AKAP9: variants seen among roughly 807,000 people sequenced by gnomAD.
The protein encoded by AKAP9 is A-kinase anchoring protein 9, also known as A-kinase anchor protein 9.
AKAP9 carries 311 observed loss-of-function variants against 488.5 expected under a neutral mutation model. The observed-to-expected ratio is 0.64, with a 90% CI of 0.58 to 0.70. The LOEUF is 0.70. Among genes scored for constraint, AKAP9 ranks in the 30% least tolerant of loss-of-function variants. AKAP9 has a pLI of 0.00. For missense variants in AKAP9, 4,215 were observed against 4,374.5 expected, an observed-to-expected ratio of 0.96 and a Z score of 1.03; for synonymous variants, 1,462 against 1,483.5, an observed-to-expected ratio of 0.99 and a Z score of 0.33.
Position 91,941,032 on chromosome 7 carries a change from T to C in AKAP9, c.-68T>C. 6.6e-7 allele frequency: 1 copy of C among 1,511,882 alleles called. No individual in the cohort carries two copies. The highest frequency in any genetic ancestry group is 9.2e-7 in the Non-Finnish European group (1 of 1,086,924). The allele number at this position is 1,511,882 out of a possible 1,614,324, so 93.7% of individuals were successfully genotyped here. ...GCTTGCCGTCCCACCTCCGTCCAAA[T>C]CGACCTTTCCTTTCTATCCCCAACC... On this transcript the variant is annotated 5_prime_UTR_variant, in exon 1 of 50. Transcript: ENST00000356239.
In AKAP9 at chr7:92,066,502, G is replaced by A. The variant is rs1810787293; in HGVS notation, c.6286G>A (p.Val2096Ile). Residue 2096 changes from valine (V) to isoleucine (I), a missense_variant, in exon 26 of 50, where the codon GTT (valine) becomes ATT (isoleucine). Physicochemically the swap from Val to Ile is conservative, Grantham distance 29. Coordinates refer to ENST00000356239, the MANE Select transcript of AKAP9 (RefSeq NM_005751.5). ...EIQKLEQQLK[V>I]VPRFQPISEH... The stretch of plus-strand genomic sequence containing the variant: ...ACAGAAACTAGAACAGCAACTTAAG[G>A]TTGTTCCTCGATTCCAGCCTATCAG... The A allele has an allele frequency of 6.2e-7, 1 of 1,613,412 alleles. No individual in the cohort carries two copies. The highest frequency in any genetic ancestry group is 8.5e-7 in the Non-Finnish European group (1 of 1,179,678).
intron 22 of AKAP9, among the ~76,000 whole-genome samples, chr7:92,060,619 CTG>C (rs1487257416): frequency 2.0e-5 from 3 of 152,050 alleles, no homozygotes; most frequent in Admixed American, 6.6e-5. Context: ...TTTAAGGAAT[CTG>C]TGTTTATGGT....
chr7:92,041,835 TTCCTG>T, intron 18 of AKAP9: 1 of 463,556 alleles, frequency 2.2e-6, no homozygotes, highest in Non-Finnish European at 3.8e-6. Context: ...ACTGCACAAA[TTCCTG>T]AATATATAGA....
chr7:92,102,952 C>A, intron 46 of AKAP9, 126 bp downstream of exon 46: 2 of 867,112 alleles, frequency 2.3e-6, no homozygotes, highest in Non-Finnish European at 3.6e-6. Flanking sequence ...TGTGCCATCA[C>A]TGAAGCATGT....
At chr7:92,064,125 C>G (rs1349059582) in intron 24 of AKAP9, among the ~76,000 whole-genome samples, 1 of 152,124 alleles carries the variant, frequency 6.6e-6, no homozygotes, top group Non-Finnish European at 1.5e-5. Context: ...GTATTAAACT[C>G]TTTCAATCTA....
At position 92,040,812 on chromosome 7, in the gene AKAP9, G is replaced by A; in HGVS notation, c.4831G>A (p.Ala1611Thr). ...ACAGGCAACGGAATTGTTAAGGCAAGCACATATGCGGCAAATGGAGAGACA... is the reference window on the plus strand; with the variant it reads ...ACAGGCAACGGAATTGTTAAGGCAAACACATATGCGGCAAATGGAGAGACA... ...HQQATELLRQAHMRQMERQRE... is the reference protein window; with the variant it reads ...HQQATELLRQTHMRQMERQRE... The change falls in exon 18 of 50, where the codon GCA becomes ACA. Residue 1611 changes from alanine to threonine, a missense_variant. Transcript: ENST00000356239. 1 of 1,614,018 alleles carries A rather than the reference G, an allele frequency of 6.2e-7. No homozygotes were observed. Among genetic ancestry groups the A allele is most frequent in the Non-Finnish European group, 8.5e-7 (1 of 1,180,012 alleles).
chr7:92,042,922 A>G (rs2130786029), intron 20 of AKAP9, 151 bp downstream of exon 20: 1 of 542,796 alleles, frequency 1.8e-6, no homozygotes, highest in Non-Finnish European at 3.3e-6. Context: ...ATGTATGTGT[A>G]GTATGTAAAG....
At chr7:92,101,806 T>G (rs1030972982) in intron 45 of AKAP9, among the ~76,000 whole-genome samples, 1 of 152,196 alleles carries the variant, frequency 6.6e-6, no homozygotes, top group African/African-American at 2.4e-5. Context: ...AGAAAAACTT[T>G]TGGAACATTT....
chr7:91,993,852 G>A (rs902128572), intron 5 of AKAP9, among the ~76,000 whole-genome samples: 1 of 152,186 alleles, frequency 6.6e-6, no homozygotes, highest in Non-Finnish European at 1.5e-5. Flanking sequence ...CAGCAAGTTG[G>A]GCATGGTGGC....
chr7:92,066,604 G>GAT, intron 26 of AKAP9, 58 bp downstream of exon 26: 1 of 1,593,272 alleles, frequency 6.3e-7, no homozygotes. Context: ...TGTAAAATAA[G>GAT]ATGCATATCA....
At chr7:92,021,872 A>C (rs1409312349) in intron 12 of AKAP9, among the ~76,000 whole-genome samples, 1 of 152,228 alleles carries the variant, frequency 6.6e-6, no homozygotes, top group Non-Finnish European at 1.5e-5. Context: ...GTATTAATCA[A>C]GTATTGCTAA....
rs370539725 is a variant in AKAP9 at position 92,108,591 on chromosome 7, C to T, written c.11644C>T (p.Arg3882Trp). 8.7e-6 allele frequency: 14 copies of T among 1,614,052 alleles called. No homozygotes were observed. Among genetic ancestry groups the T allele is most frequent in the South Asian group, 1.1e-5 (1 of 91,082 alleles). Reference sequence around the variant, plus strand: ...CAGAGCCCTAACAGATTATATCACTCGGCTAGAGGCACTGCAAAGACGACT... The same window carrying T: ...CAGAGCCCTAACAGATTATATCACTTGGCTAGAGGCACTGCAAAGACGACT... ...PDRALTDYIT[R>W]LEALQRRLGT... The change falls in exon 49 of 50, where the codon CGG becomes TGG. Residue 3882 changes from arginine (R) to tryptophan (W), a missense_variant. Arg to Trp is a moderately radical substitution (Grantham distance 101, BLOSUM62 -3). This residue lies in a region of AKAP9 where 253 missense variants were observed against 266.8 expected (regional missense o/e 0.95). Coordinates refer to ENST00000356239, the MANE Select transcript of AKAP9 (RefSeq NM_005751.5).
intron 20 of AKAP9, among the ~76,000 whole-genome samples, chr7:92,044,658 A>T (rs545976956): frequency 1.6e-3 from 237 of 152,318 alleles, no homozygotes; most frequent in African/African-American, 5.5e-3. Flanking sequence ...TGGCACTACC[A>T]TACTTTTTAA....
chr7:92,095,833 G>A (rs1041272056), intron 40 of AKAP9, among the ~76,000 whole-genome samples: 3 of 152,172 alleles, frequency 2.0e-5, no homozygotes, highest in Non-Finnish European at 4.4e-5. Flanking sequence ...TCCAGGCAAA[G>A]AGAACTCTCT....
rs754777973 is a variant in AKAP9 at position 92,083,589 on chromosome 7, C to T, written c.8580C>T (p.Ala2860=). 33 of 1,602,832 alleles carry T rather than the reference C, an allele frequency of 2.1e-5. No homozygotes were observed. The South Asian group carries it at 3.3e-4, about 16-fold the overall frequency. The change falls in exon 33 of 50, where the codon GCC becomes GCT. Residue 2860 remains alanine (A), a synonymous_variant. Coordinates refer to ENST00000356239, the MANE Select transcript of AKAP9 (RefSeq NM_005751.5). ...TETLKREHYV[A]VQLLKEECGT... ...CCTTAAAGAGGGAACACTATGTTGCCGTTCAGTTACTGAAAGAGGAATGTG... is the reference window on the plus strand; with the variant it reads ...CCTTAAAGAGGGAACACTATGTTGCTGTTCAGTTACTGAAAGAGGAATGTG...
At chr7:91,986,380 G>T (rs1340458035) in intron 3 of AKAP9, among the ~76,000 whole-genome samples, 1 of 152,014 alleles carries the variant, frequency 6.6e-6, no homozygotes, top group Non-Finnish European at 1.5e-5. Flanking sequence ...GCCCTGCTTC[G>T]GCTCACCCTC....
intron 15 of AKAP9, among the ~76,000 whole-genome samples, chr7:92,030,717 T>C (rs772477800): frequency 6.6e-6 from 1 of 151,850 alleles, no homozygotes; most frequent in Non-Finnish European, 1.5e-5. Context: ...TTAGGCCTAT[T>C]CCAATAAGGT....
At position 91,994,559 on chromosome 7, in the gene AKAP9, A is replaced by T; in HGVS notation, c.577-62A>T. On this transcript the variant is annotated intron_variant, in intron 5 of 49. Coordinates refer to ENST00000356239, the MANE Select transcript of AKAP9 (RefSeq NM_005751.5). Reference sequence around the variant, plus strand: ...TGTGTTTTGAATTCTTATTTTGAAAAAGTTACCTGTAATAATAGTCAATTA... The same window carrying T: ...TGTGTTTTGAATTCTTATTTTGAAATAGTTACCTGTAATAATAGTCAATTA... 3 of 1,385,306 alleles carry T rather than the reference A, an allele frequency of 2.2e-6. No homozygotes were observed. In the South Asian group the frequency reaches 3.9e-5, roughly 18 times the overall value. The allele number at this position is 1,385,306 out of a possible 1,614,324, so 85.8% of individuals were successfully genotyped here.
At chr7:92,064,907 C>T (rs534232730) in intron 24 of AKAP9, among the ~76,000 whole-genome samples, 50 of 150,916 alleles carry the variant, frequency 3.3e-4, no homozygotes, top group Non-Finnish European at 6.6e-4. Context: ...TTTAATTGGA[C>T]TTTGTTCTTT....
Sources: allele counts gnomAD v4.1 joint callset (sites outside exome capture counted in the v4.1 genomes callset), GRCh38; gene constraint gnomAD v4.1.1; regional missense constraint gnomAD v4.1.1; transcripts MANE v1.5; gene names NCBI Gene and HGNC (gene_info 2026-07-23, HGNC 2026-07-21).